The following LPP variants were observed in gnomAD, a reference collection of about 807,000 sequenced individuals.
LPP encodes lipoma-preferred partner.
Under a neutral mutation model 60.4 loss-of-function variants are expected in LPP, and 38 were observed. That is an observed-to-expected ratio of 0.63 (90% confidence interval 0.49 to 0.83). The LOEUF is 0.83. Among genes scored for constraint, LPP ranks in the 40% least tolerant of loss-of-function variants. The pLI is 0.00. For synonymous variants in LPP, 328 were observed against 290.8 expected (o/e 1.13, Z -1.30); for missense variants, 902 against 783.6 (o/e 1.15, Z -1.80).
At chr3:188,400,487 CTT>C (rs1781987840) in intron 3 of LPP, among the ~76,000 whole-genome samples, 1 of 152,154 alleles carries the variant, frequency 6.6e-6, no homozygotes, top group South Asian at 2.1e-4. Flanking sequence ...TCAATAAACA[CTT>C]GTTTATTGTC....
chr3:188,509,084 TTTC>T (rs763376259), intron 5 of LPP, among the ~76,000 whole-genome samples: 69 of 152,304 alleles, frequency 4.5e-4, no homozygotes, highest in Middle Eastern at 6.8e-3. Flanking sequence ...ACTCCAGTAT[TTTC>T]TTATTTTAGG....
intron 2 of LPP, among the ~76,000 whole-genome samples, chr3:188,273,174 G>A (rs1388596624): frequency 1.3e-5 from 2 of 152,216 alleles, no homozygotes; most frequent in African/African-American, 4.8e-5. Flanking sequence ...GATGGTAGAG[G>A]ATGGGATTGA....
intron 7 of LPP, among the ~76,000 whole-genome samples, chr3:188,629,405 T>C (rs891539401): frequency 1.3e-5 from 2 of 152,104 alleles, no homozygotes; most frequent in South Asian, 4.1e-4. Flanking sequence ...CAAAAATCAG[T>C]TGCCTTTCTA....
At chr3:188,800,242 C>CTTTT (rs1170703897) in intron 9 of LPP, among the ~76,000 whole-genome samples, 10 of 69,632 alleles carry the variant, frequency 1.4e-4, no homozygotes, top group South Asian at 6.5e-4. Context: ...AATGTTGAAG[C>CTTTT]TTTCTTTTTT....
At chr3:188,357,086 C>G (rs937710977) in intron 3 of LPP, among the ~76,000 whole-genome samples, 1 of 152,080 alleles carries the variant, frequency 6.6e-6, no homozygotes, top group Non-Finnish European at 1.5e-5. Flanking sequence ...ATGTATGTCC[C>G]CAGACATGGT....
At chr3:188,195,106 A>T (rs1729161575) in intron 1 of LPP, among the ~76,000 whole-genome samples, 2 of 152,150 alleles carry the variant, frequency 1.3e-5, no homozygotes, top group Non-Finnish European at 2.9e-5. Flanking sequence ...TAAAAGTACA[A>T]AAATTAGCTG....
chr3:188,274,223 A>T (rs1174780749), intron 2 of LPP, among the ~76,000 whole-genome samples: 1 of 152,112 alleles, frequency 6.6e-6, no homozygotes, highest in African/African-American at 2.4e-5. Flanking sequence ...TTTTTATTCC[A>T]TTTTTGATAC....
intron 4 of LPP, among the ~76,000 whole-genome samples, chr3:188,481,447 C>A (rs1330939789): frequency 6.6e-6 from 1 of 152,102 alleles, no homozygotes; most frequent in Admixed American, 6.5e-5. Context: ...ATATAGAATC[C>A]ATCTTTTCAA....
intron 2 of LPP, among the ~76,000 whole-genome samples, chr3:188,263,964 T>G (rs546585032): frequency 1.3e-5 from 2 of 152,316 alleles, no homozygotes; most frequent in South Asian, 4.1e-4. Flanking sequence ...AACAGACTTT[T>G]ATGGAGGGTC....
intron 6 of LPP, among the ~76,000 whole-genome samples, chr3:188,592,557 G>GTTTGTTTTTGTTTTTTTTTTTTT (rs1260656926): frequency 4.7e-5 from 4 of 85,750 alleles, no homozygotes; most frequent in African/African-American, 1.8e-4. Flanking sequence ...TTTTGTTTTT[G>GTTTGTTTTTGTTTTTTTTTTTTT]TTTTTTAAAT....
At chr3:188,256,492 C>A (rs1171542844) in intron 2 of LPP, among the ~76,000 whole-genome samples, 1 of 152,086 alleles carries the variant, frequency 6.6e-6, no homozygotes, top group African/African-American at 2.4e-5. Flanking sequence ...CCATTAAGAA[C>A]CATTTTTAAC....
At chr3:188,649,944 G>C (rs910343899) in intron 7 of LPP, among the ~76,000 whole-genome samples, 2 of 152,102 alleles carry the variant, frequency 1.3e-5, no homozygotes, top group Non-Finnish European at 2.9e-5. Flanking sequence ...CTTCCACCTT[G>C]TCTTGTTTCT....
At chr3:188,654,546 G>T (rs912448888) in intron 7 of LPP, among the ~76,000 whole-genome samples, 1 of 152,134 alleles carries the variant, frequency 6.6e-6, no homozygotes, top group African/African-American at 2.4e-5. Flanking sequence ...GTGTGTGTGT[G>T]TGTGTATGCG....
intron 1 of LPP, among the ~76,000 whole-genome samples, chr3:188,219,405 A>G (rs928520981): frequency 6.6e-6 from 1 of 152,156 alleles, no homozygotes; most frequent in Admixed American, 6.5e-5. Flanking sequence ...GGCTCTTAAG[A>G]TGATGGTCAG....
intron 1 of LPP, among the ~76,000 whole-genome samples, chr3:188,170,158 C>T (rs1721133851): frequency 6.6e-6 from 1 of 152,166 alleles, no homozygotes. Context: ...TTTTTTGGCG[C>T]AGAACTTTCT....
chr3:188,888,136 T>C lies in LPP; in HGVS notation c.*13657T>C, dbSNP rs2152104782. ...TGTTTTCTGTATAATAAACCACTTT[T>C]GTTTTGTTTGTTTTGTCTTTTAACC... On this transcript the variant is annotated 3_prime_UTR_variant, in exon 12 of 12. Transcript: ENST00000617246. The C allele has an allele frequency of 4.5e-6, 1 of 219,932 alleles. No homozygotes were observed. Among genetic ancestry groups the C allele is most frequent in the Admixed American group, 5.8e-5 (1 of 17,354 alleles). The allele number at this position is 219,932 out of a possible 1,614,324, so 13.6% of individuals were successfully genotyped here.
At chr3:188,516,852 CT>C (rs1412428937) in intron 5 of LPP, among the ~76,000 whole-genome samples, 1 of 151,992 alleles carries the variant, frequency 6.6e-6, no homozygotes, top group East Asian at 1.9e-4. Flanking sequence ...ATAAGTCCTC[CT>C]GGTGGTTCTG....
intron 2 of LPP, among the ~76,000 whole-genome samples, chr3:188,288,546 T>C (rs1293306857): frequency 6.6e-6 from 1 of 151,798 alleles, no homozygotes; most frequent in Non-Finnish European, 1.5e-5. Context: ...CCAGAGCTCC[T>C]GGTGGAGCCT....
rs889640193 is a variant in LPP at position 188,519,918 on chromosome 3, C to T, written c.307-4747C>T. On this transcript the variant is annotated intron_variant, in intron 5 of 11. Transcript: ENST00000617246. ...AATTGCTGGTACTCCTCGTCTATCA[C>T]CTGTAGTTAGTGGGTTAGTGATAGT... Among the ~76,000 whole-genome samples the T allele has an allele frequency of 4.3e-4, 66 of 152,156 alleles. 3 individuals are homozygous for T. Among genetic ancestry groups the T allele is most frequent in the African/African-American group, 2.4e-5 (1 of 41,430 alleles).
Sources: gnomAD v4.1 joint callset for allele counts (sites outside exome capture counted in the v4.1 genomes callset) on GRCh38, gnomAD v4.1.1 for gene constraint, MANE v1.5 for transcripts, NCBI Gene and HGNC (gene_info 2026-07-23, HGNC 2026-07-21) for gene names.